The following CENPO variants were observed in gnomAD, a reference collection of about 807,000 sequenced individuals.
The protein encoded by CENPO is centromere protein O.
A neutral mutation model predicts 36.1 loss-of-function variants in CENPO; 30 were observed. The ratio of observed to expected loss-of-function variants is 0.83; its 90% confidence interval spans 0.62 to 1.13. CENPO has a LOEUF of 1.13. Ranked by LOEUF, CENPO falls within the 50% of genes most tolerant of loss-of-function variation. The pLI is 0.00. For synonymous variants in CENPO, 171 were observed against 142.3 expected, an observed-to-expected ratio of 1.20 and a Z score of -1.44; for missense variants, 349 against 357.8, an observed-to-expected ratio of 0.98 and a Z score of 0.20.
At chr2:24,796,058 A>T (rs1053463983) in intron 2 of CENPO, among the ~76,000 whole-genome samples, 1 of 152,132 alleles carries the variant, frequency 6.6e-6, no homozygotes, top group African/African-American at 2.4e-5. Flanking sequence ...GTTTCGGTAA[A>T]CATTTCCGGA....
At chr2:24,816,406 T>C (rs963588049) in intron 5 of CENPO, 2 of 436,250 alleles carry the variant, frequency 4.6e-6, no homozygotes, top group Middle Eastern at 1.2e-3. Flanking sequence ...AAACAGTCTC[T>C]TGCGAAGCTG....
At chr2:24,816,072 T>C (rs1226628701) in intron 5 of CENPO, 1 of 344,994 alleles carries the variant, frequency 2.9e-6, no homozygotes, top group Non-Finnish European at 5.4e-6. Flanking sequence ...GTGCCTACTA[T>C]GTACCATACC....
chr2:24,820,102 T>G lies in CENPO; in HGVS notation c.*784T>G. On this transcript the variant is annotated 3_prime_UTR_variant, in exon 8 of 8. Coordinates refer to ENST00000380834, the MANE Select transcript of CENPO (RefSeq NM_001322101.2). Reference sequence around the variant, plus strand: ...CCGTACTCTCGGAGGATGACTTGGGTTTCTTCTACCACCTGGAGAGGGAGG... The same window carrying G: ...CCGTACTCTCGGAGGATGACTTGGGGTTCTTCTACCACCTGGAGAGGGAGG... 6.5e-7 allele frequency: 1 copy of G among 1,548,800 alleles called. No individual in the cohort carries two copies. The highest frequency in any genetic ancestry group is 8.7e-7 in the Non-Finnish European group (1 of 1,146,872).
In CENPO at chr2:24,794,085, A is replaced by G. The variant is rs1014791605; in HGVS notation, c.46+120A>G. 7 of 800,862 alleles carry G rather than the reference A, an allele frequency of 8.7e-6. No individual in the cohort carries two copies. The African/African-American group carries it at 1.0e-4, about 12-fold the overall frequency. The allele number at this position is 800,862 out of a possible 1,614,324, so 49.6% of individuals were successfully genotyped here. A position where few individuals can be genotyped will look rare whatever the true frequency, so the allele number is the denominator to read the frequency against. Reference sequence around the variant, plus strand: ...GCCTGTTTGGGAGCAGAATAGTGAAAGGAACTAACATTGAAGACAAAGGGA... The same window carrying G: ...GCCTGTTTGGGAGCAGAATAGTGAAGGGAACTAACATTGAAGACAAAGGGA... On this transcript the variant is annotated intron_variant, in intron 2 of 7. Coordinates refer to ENST00000380834, the MANE Select transcript of CENPO (RefSeq NM_001322101.2).
chr2:24,817,852 A>C lies in CENPO; in HGVS notation c.*35+11A>C. 6.2e-7 allele frequency: 1 copy of C among 1,611,302 alleles called. No individual in the cohort carries two copies. The highest frequency in any genetic ancestry group is 1.1e-5 in the South Asian group (1 of 90,920). The stretch of plus-strand genomic sequence containing the variant: ...GGGAGCACATCAGAGGTAAGTAACC[A>C]GTACTGAAGACAGTACCAGGTGGGT... On this transcript the variant is annotated intron_variant, in intron 7 of 7. Transcript: ENST00000380834.
chr2:24,820,270 G>A lies in CENPO; in HGVS notation c.*952G>A, dbSNP rs982890862. 1.9e-5 allele frequency: 23 copies of A among 1,210,034 alleles called. No homozygotes were observed. Among genetic ancestry groups the A allele is most frequent in the South Asian group, 4.2e-5 (2 of 47,608 alleles). The allele number at this position is 1,210,034 out of a possible 1,614,324, so 75.0% of individuals were successfully genotyped here. A position where few individuals can be genotyped will look rare whatever the true frequency, so the allele number is the denominator to read the frequency against. On this transcript the variant is annotated 3_prime_UTR_variant, in exon 8 of 8. Coordinates refer to ENST00000380834, the MANE Select transcript of CENPO (RefSeq NM_001322101.2). ...CTCCCAGGGCCAAGCCCTTCCACCC[G>A]TGGCGAGCAGCGGGTGGGAAGGAGA...
intron 3 of CENPO, among the ~76,000 whole-genome samples, chr2:24,804,650 T>C (rs1209276900): frequency 2.0e-5 from 3 of 152,244 alleles, no homozygotes; most frequent in East Asian, 1.9e-4. Flanking sequence ...TGTTGAACAT[T>C]GGCCCCCACT....
chr2:24,820,942 T>G lies in CENPO; in HGVS notation c.*1624T>G. On this transcript the variant is annotated 3_prime_UTR_variant, in exon 8 of 8. Transcript: ENST00000380834. Reference sequence around the variant, plus strand: ...CCTCTCCAGACCTGTACCACAAAGCTCCTAATGTAACACATCATTGTCCTC... The same window carrying G: ...CCTCTCCAGACCTGTACCACAAAGCGCCTAATGTAACACATCATTGTCCTC... 6.6e-7 allele frequency: 1 copy of G among 1,520,276 alleles called. No individual in the cohort carries two copies. Among genetic ancestry groups the G allele is most frequent in the African/African-American group, 1.4e-5 (1 of 72,398 alleles). 94.2% of individuals were successfully genotyped at this position (1,520,276 alleles called of 1,614,324 possible).
intron 5 of CENPO, 55 bp downstream of exon 5, chr2:24,815,811 G>C (rs1666915495): frequency 4.5e-6 from 7 of 1,545,972 alleles, no homozygotes; most frequent in Middle Eastern, 3.4e-4. Context: ...CAACTTAAAA[G>C]GGGGATGTTT....
At chr2:24,812,527 A>G (rs62140588) in intron 3 of CENPO, among the ~76,000 whole-genome samples, 235 of 152,160 alleles carry the variant, frequency 1.5e-3, no homozygotes, top group Non-Finnish European at 2.6e-3. Context: ...TGGGGCTCCC[A>G]TGTATGGGTG....
At chr2:24,817,286 G>C (rs145203586) in intron 6 of CENPO, among the ~76,000 whole-genome samples, 4 of 152,126 alleles carry the variant, frequency 2.6e-5, no homozygotes, top group Non-Finnish European at 5.9e-5. Context: ...TGGTGAACCT[G>C]TTTCAGTTAA....
intron 3 of CENPO, among the ~76,000 whole-genome samples, chr2:24,813,220 T>G (rs1265175751): frequency 6.6e-6 from 1 of 152,134 alleles, no homozygotes; most frequent in Non-Finnish European, 1.5e-5. Flanking sequence ...CACTCCAGCC[T>G]GGGTAACAGC....
chr2:24,821,811 T>G lies in CENPO; in HGVS notation c.*2493T>G. 2 of 965,736 alleles carry G rather than the reference T, an allele frequency of 2.1e-6. No individual in the cohort carries two copies. Among genetic ancestry groups the G allele is most frequent in the Non-Finnish European group, 3.0e-6 (2 of 665,938 alleles). The allele number at this position is 965,736 out of a possible 1,614,324, so 59.8% of individuals were successfully genotyped here. ...CCACGCTAGCTCTGACTTGCCACTG[T>G]GACAAAGTTCACGTAGCAGGTCTAG... On this transcript the variant is annotated 3_prime_UTR_variant, in exon 8 of 8. Coordinates refer to ENST00000380834, the MANE Select transcript of CENPO (RefSeq NM_001322101.2).
intron 7 of CENPO, among the ~76,000 whole-genome samples, chr2:24,818,743 C>CCA (rs1667094443): frequency 6.6e-6 from 1 of 152,188 alleles, no homozygotes; most frequent in Non-Finnish European, 1.5e-5. Context: ...CCTGATTTGC[C>CCA]GTAACCACGG....
chr2:24,803,881 C>T (rs1400654516), intron 3 of CENPO, among the ~76,000 whole-genome samples: 3 of 152,072 alleles, frequency 2.0e-5, no homozygotes, highest in African/African-American at 4.8e-5. Context: ...TCCTGGATAT[C>T]CTTGTTAACT....
At position 24,817,705 on chromosome 2, in the gene CENPO, C is replaced by G. The variant is rs750447568; in HGVS notation, c.802C>G (p.Arg268Gly). 1 of 1,614,040 alleles carries G rather than the reference C, an allele frequency of 6.2e-7. No homozygotes were observed. The highest frequency in any genetic ancestry group is 1.3e-5 in the African/African-American group (1 of 74,896). The change falls in exon 7 of 8, where the codon CGA (arginine) becomes GGA (glycine). Residue 268 changes from arginine (R) to glycine (G), a missense_variant. Physicochemically the swap from Arg to Gly is moderately radical, Grantham distance 125. Coordinates refer to ENST00000380834, the MANE Select transcript of CENPO (RefSeq NM_001322101.2). ...EVLSTSWEEQRASHETLFCTK... is the reference protein window; with the variant it reads ...EVLSTSWEEQGASHETLFCTK... ...ATTATCCACTTCATGGGAGGAGCAA[C>G]GAGCATCTCATGAAACTCTGTTCTG... is the stretch of plus-strand genomic sequence containing the variant.
chr2:24,821,869 A>G lies in CENPO; in HGVS notation c.*2551A>G. On this transcript the variant is annotated 3_prime_UTR_variant, in exon 8 of 8. Transcript: ENST00000380834. ...CTGGGCAATTGAGCAGAGGAGACGGACCTGTGAGTCTGACCACGAGGCGGA... is the reference window on the plus strand; with the variant it reads ...CTGGGCAATTGAGCAGAGGAGACGGGCCTGTGAGTCTGACCACGAGGCGGA... 1.9e-6 allele frequency: 1 copy of G among 536,736 alleles called. No individual in the cohort carries two copies. The highest frequency in any genetic ancestry group is 3.2e-6 in the Non-Finnish European group (1 of 315,224). 33.2% of individuals were successfully genotyped at this position (536,736 alleles called of 1,614,324 possible). A position where few individuals can be genotyped will look rare whatever the true frequency, so the allele number is the denominator to read the frequency against.
At position 24,819,733 on chromosome 2, in the gene CENPO, G is replaced by A. The variant is rs182536097; in HGVS notation, c.*415G>A. 685 of 600,016 alleles carry A rather than the reference G, an allele frequency of 1.1e-3. 3 individuals are homozygous for A. The highest frequency in any genetic ancestry group is 0.011 in the African/African-American group (576 of 52,886). The allele number at this position is 600,016 out of a possible 1,614,324, so 37.2% of individuals were successfully genotyped here. On this transcript the variant is annotated 3_prime_UTR_variant, in exon 8 of 8. Transcript: ENST00000380834. ...TCAGCCCTATGCCTAAGACCCCTATGCTGGGGACACTACAGGCACACACAG... is the reference window on the plus strand; with the variant it reads ...TCAGCCCTATGCCTAAGACCCCTATACTGGGGACACTACAGGCACACACAG...
intron 7 of CENPO, among the ~76,000 whole-genome samples, chr2:24,818,696 C>T (rs1048586735): frequency 3.9e-5 from 6 of 152,198 alleles, no homozygotes; most frequent in African/African-American, 1.2e-4. Context: ...AGGCGCCCCC[C>T]GGGTCTTCCC....
Sources: gnomAD v4.1 joint callset for allele counts (sites outside exome capture counted in the v4.1 genomes callset) on GRCh38, gnomAD v4.1.1 for gene constraint, MANE v1.5 for transcripts, NCBI Gene and HGNC (gene_info 2026-07-23, HGNC 2026-07-21) for gene names.